CRTAP: variants seen among roughly 807,000 people sequenced by gnomAD.
The protein encoded by CRTAP is cartilage-associated protein.
CRTAP carries 33 observed loss-of-function variants against 42.7 expected under a neutral mutation model. The observed-to-expected ratio is 0.77, with a 90% confidence interval of 0.59 to 1.03. The LOEUF (loss-of-function observed/expected upper bound fraction) is 1.03. CRTAP is among the 50% of genes least tolerant of loss of function. CRTAP has a pLI of 0.00. For missense variants in CRTAP, 613 were observed against 533.9 expected (o/e 1.15, Z -1.46); for synonymous variants, 243 against 217.7 (o/e 1.12, Z -1.02).
intron 2 of CRTAP, among the ~76,000 whole-genome samples, chr3:33,123,777 G>A (rs1259911627): frequency 6.6e-6 from 1 of 151,882 alleles, no homozygotes; most frequent in Non-Finnish European, 1.5e-5. Flanking sequence ...CTACAAGCAT[G>A]TGACTACACC....
chr3:33,137,429 C>T (rs2030454128), intron 6 of CRTAP, among the ~76,000 whole-genome samples: 1 of 152,236 alleles, frequency 6.6e-6, no homozygotes, highest in Admixed American at 6.5e-5. Flanking sequence ...GCGTGAGCTA[C>T]TGCACCCAGC....
intron 6 of CRTAP, among the ~76,000 whole-genome samples, chr3:33,136,489 G>T (rs1182348158): frequency 6.6e-6 from 1 of 152,218 alleles, no homozygotes; most frequent in Non-Finnish European, 1.5e-5. Context: ...AGTGGTTCAT[G>T]CCTGTAATCC....
In CRTAP at chr3:33,146,592, A is replaced by G. The variant is rs187392761; in HGVS notation, c.*4144A>G. 6 of 152,310 alleles carry G rather than the reference A, an allele frequency of 3.9e-5. No individual in the cohort carries two copies. In the East Asian group the frequency reaches 7.7e-4, roughly 20 times the overall value. The allele number at this position is 152,310 out of a possible 1,614,324, so 9.4% of individuals were successfully genotyped here. The stretch of plus-strand genomic sequence containing the variant: ...TTTTCGAGACTTTCTAATTACTACA[A>G]CTAACCTGTTGTGCTCACCTCTGGA... On this transcript the variant is annotated 3_prime_UTR_variant, in exon 7 of 7. Transcript: ENST00000320954.
At chr3:33,129,535 C>CTTTTTTT (rs753545426) in intron 3 of CRTAP, among the ~76,000 whole-genome samples, 690 of 115,412 alleles carry the variant, frequency 6.0e-3, no homozygotes, top group Non-Finnish European at 9.7e-3. Context: ...TTTTCTTTTT[C>CTTTTTTT]TTTTTTTTTT....
At chr3:33,133,868 C>G (rs2030344543) in intron 5 of CRTAP, among the ~76,000 whole-genome samples, 2 of 152,142 alleles carry the variant, frequency 1.3e-5, no homozygotes, top group South Asian at 4.1e-4. Context: ...AAGATTTTTT[C>G]TAATTGATCT....
rs879273215 is a variant in CRTAP, at chr3:33,114,503, C to G, written c.426C>G (p.Phe142Leu). ...SQPSREVLAD[F>L]QRREPYKFLQ... ...CCAGCCGCGAGGTGCTGGCGGACTT[C>G]CAGCGCCGCGAGCCCTACAAGTTCC... The change falls in exon 1 of 7, where the codon TTC (phenylalanine) becomes TTG (leucine). Residue 142 changes from phenylalanine (F) to leucine (L), a missense_variant. Physicochemically the swap from Phe to Leu is conservative, Grantham distance 22 (BLOSUM62 0). Transcript: ENST00000320954. 1.9e-6 allele frequency: 3 copies of G among 1,603,828 alleles called. No individual in the cohort carries two copies. Among genetic ancestry groups the G allele is most frequent in the African/African-American group, 1.3e-5 (1 of 74,746 alleles).
At chr3:33,130,278 C>G (rs984679322) in intron 4 of CRTAP, among the ~76,000 whole-genome samples, 3 of 152,204 alleles carry the variant, frequency 2.0e-5, no homozygotes, top group Non-Finnish European at 4.4e-5. Context: ...AGCCTTATCA[C>G]TTACTAGCTT....
chr3:33,142,059 G>T (rs1185707934), intron 6 of CRTAP, among the ~76,000 whole-genome samples: 14 of 152,212 alleles, frequency 9.2e-5, no homozygotes, highest in Admixed American at 9.2e-4. Context: ...AAATGTTCCT[G>T]TGGGAGACCT....
chr3:33,119,687 T>C (rs553335107), intron 1 of CRTAP, among the ~76,000 whole-genome samples: 36 of 152,310 alleles, frequency 2.4e-4, no homozygotes, highest in African/African-American at 8.7e-4. Context: ...GTGGAAAAGA[T>C]ATGGTGCAGT....
intron 3 of CRTAP, among the ~76,000 whole-genome samples, chr3:33,126,123 A>T (rs1001877220): frequency 6.6e-6 from 1 of 152,094 alleles, no homozygotes; most frequent in Non-Finnish European, 1.5e-5. Flanking sequence ...ATAACTCCCC[A>T]TATCCCCTTC....
rs573647685 is a variant in CRTAP, at chr3:33,122,545, A to G, written c.622-1863A>G. 2.4e-3 allele frequency among the ~76,000 whole-genome samples: 369 copies of G among 151,894 alleles called. 1 individual carries two copies. The highest frequency in any genetic ancestry group is 3.7e-3 in the Non-Finnish European group (253 of 67,924). Reference sequence around the variant, plus strand: ...AAGATGGTGAAACCCTGTCTCTACTAAAAATACAAAAAAATTAGCCAGGCG... The same window carrying G: ...AAGATGGTGAAACCCTGTCTCTACTGAAAATACAAAAAAATTAGCCAGGCG... On this transcript the variant is annotated intron_variant, in intron 2 of 6. Coordinates refer to ENST00000320954, the MANE Select transcript of CRTAP (RefSeq NM_006371.5).
chr3:33,134,588 G>T (rs1338650953), intron 6 of CRTAP, among the ~76,000 whole-genome samples: 3 of 152,174 alleles, frequency 2.0e-5, no homozygotes, highest in Non-Finnish European at 4.4e-5. Flanking sequence ...ACTCTGAAGA[G>T]ACATGGATAC....
intron 6 of CRTAP, among the ~76,000 whole-genome samples, chr3:33,139,066 C>A (rs551456463): frequency 6.6e-6 from 1 of 152,164 alleles, no homozygotes; most frequent in South Asian, 2.1e-4. Context: ...ATCGCTTGTA[C>A]CCAGGAGGTG....
intron 2 of CRTAP, among the ~76,000 whole-genome samples, chr3:33,120,872 T>C (rs2029870249): frequency 6.6e-6 from 1 of 152,154 alleles, no homozygotes; most frequent in Admixed American, 6.5e-5. Flanking sequence ...TATACACACT[T>C]GCACACAAAC....
chr3:33,115,265 G>A (rs889203667), intron 1 of CRTAP: 1 of 152,134 alleles, frequency 6.6e-6, no homozygotes, highest in African/African-American at 2.4e-5. Flanking sequence ...TTTTAAAGAG[G>A]ATGAAATTGA....
Position 33,124,584 on chromosome 3 carries a change from G to A in CRTAP, c.793+5G>A, listed in dbSNP as rs1559433951. 6.2e-6 allele frequency: 10 copies of A among 1,614,060 alleles called. No homozygotes were observed. Among genetic ancestry groups the A allele is most frequent in the Non-Finnish European group, 8.5e-6 (10 of 1,180,016 alleles). ...ATTTCTACCTTTCCATAGCAGGTTG[G>A]TGGTAGGTCAATAGGCTCACTACTC... On this transcript the variant is annotated splice_donor_5th_base_variant and intron_variant, in intron 3 of 6. Coordinates refer to ENST00000320954, the MANE Select transcript of CRTAP (RefSeq NM_006371.5).
chr3:33,125,606 A>G (rs1446550821), intron 3 of CRTAP, among the ~76,000 whole-genome samples: 1 of 148,198 alleles, frequency 6.7e-6, no homozygotes, highest in African/African-American at 2.5e-5. Flanking sequence ...CCATGACCCA[A>G]CTTCACAATT....
In CRTAP at chr3:33,124,440, C is replaced by T. The variant is rs144486582; in HGVS notation, c.654C>T (p.Asn218=). 2.8e-4 allele frequency: 454 copies of T among 1,614,212 alleles called. No homozygotes were observed. Among genetic ancestry groups the T allele is most frequent in the Non-Finnish European group, 3.5e-4 (414 of 1,180,052 alleles). Residue 218 remains asparagine (N), a synonymous_variant, in exon 3 of 7, where the codon AAC becomes AAT. Transcript: ENST00000320954. Reference sequence around the variant, plus strand: ...TCATCCGAGCAGTGCGGGCATACAACGGTGAGAACTGGAGAACATCCATCA... The same window carrying T: ...TCATCCGAGCAGTGCGGGCATACAATGGTGAGAACTGGAGAACATCCATCA... ...SLFIRAVRAY[N]GENWRTSITD...
chr3:33,126,793 A>G (rs2030085252), intron 3 of CRTAP, among the ~76,000 whole-genome samples: 1 of 152,208 alleles, frequency 6.6e-6, no homozygotes, highest in African/African-American at 2.4e-5. Flanking sequence ...ACATCAATCA[A>G]TATATGTAAG....
Sources: gnomAD v4.1 joint callset for allele counts (sites outside exome capture counted in the v4.1 genomes callset) on GRCh38, gnomAD v4.1.1 for gene constraint, MANE v1.5 for transcripts, NCBI Gene and HGNC (gene_info 2026-07-23, HGNC 2026-07-21) for gene names.